Variants in ARB2A observed in about 807,000 individuals in gnomAD.
The protein encoded by ARB2A is cotranscriptional regulator ARB2A.
the ARB2A span, chr5:93,881,700 T>C: frequency 1.8e-5 from 26 of 1,463,790 alleles, no homozygotes; most frequent in East Asian, 2.4e-5. Context: ...TGTTTTGAAA[T>C]GAAAGAAGGT....
At chr5:94,063,818 A>C in the ARB2A span, among the ~76,000 whole-genome samples, 2 of 152,188 alleles carry the variant, frequency 1.3e-5, no homozygotes, top group African/African-American at 4.8e-5. Flanking sequence ...AAAGTACTCT[A>C]CTCAACCAAC....
At chr5:93,814,286 T>G in the ARB2A span, among the ~76,000 whole-genome samples, 2 of 152,134 alleles carry the variant, frequency 1.3e-5, no homozygotes, top group Non-Finnish European at 2.9e-5. Flanking sequence ...CAGCATGGCA[T>G]AAACCCATGA....
chr5:93,719,897 T>C, the ARB2A span, among the ~76,000 whole-genome samples: 3 of 152,342 alleles, frequency 2.0e-5, no homozygotes, highest in African/African-American at 7.2e-5. Context: ...GCTTCTTTTC[T>C]CATTTTCCTT....
At chr5:94,074,885 G>GATGCCT in the ARB2A span, 2 of 619,850 alleles carry the variant, frequency 3.2e-6, no homozygotes, top group South Asian at 4.2e-5. Flanking sequence ...CCACTTTGTT[G>GATGCCT]ATGCCTATGC....
chr5:94,037,264 C>T, the ARB2A span, among the ~76,000 whole-genome samples: 1 of 152,074 alleles, frequency 6.6e-6, no homozygotes, highest in Non-Finnish European at 1.5e-5. Context: ...TAATACTATC[C>T]TATACGTAGT....
At chr5:94,104,270 G>T in the ARB2A span, among the ~76,000 whole-genome samples, 1 of 149,372 alleles carries the variant, frequency 6.7e-6, no homozygotes, top group Non-Finnish European at 1.5e-5. Context: ...GACAAATAAA[G>T]AAAAAAGGAA....
chr5:94,039,686 G>A, the ARB2A span, among the ~76,000 whole-genome samples: 1 of 151,866 alleles, frequency 6.6e-6, no homozygotes, highest in Non-Finnish European at 1.5e-5. Context: ...ATTCTTTCTT[G>A]TGCAAGATAC....
the ARB2A span, among the ~76,000 whole-genome samples, chr5:93,705,609 ATGTG>A: frequency 0.045 from 5,783 of 128,726 alleles, 259 homozygotes; most frequent in East Asian, 0.26. Context: ...TTGGGAAAAA[ATGTG>A]TGTGTGTGTG....
chr5:93,822,624 A>T, the ARB2A span, among the ~76,000 whole-genome samples: 6 of 151,982 alleles, frequency 3.9e-5, no homozygotes, highest in Non-Finnish European at 7.4e-5. Flanking sequence ...ATCTATGGAG[A>T]TATAGAGATA....
At chr5:93,789,892 T>C in the ARB2A span, among the ~76,000 whole-genome samples, 2 of 152,184 alleles carry the variant, frequency 1.3e-5, no homozygotes, top group Admixed American at 1.3e-4. Context: ...TATAATGAAA[T>C]ACACACACTT....
At chr5:93,998,331 A>G in the ARB2A span, among the ~76,000 whole-genome samples, 1 of 152,028 alleles carries the variant, frequency 6.6e-6, no homozygotes, top group Non-Finnish European at 1.5e-5. Flanking sequence ...TATTCGTAAT[A>G]GAATTTATCC....
At chr5:93,652,598 T>C in the ARB2A span, among the ~76,000 whole-genome samples, 6 of 152,350 alleles carry the variant, frequency 3.9e-5, no homozygotes, top group Admixed American at 3.9e-4. Context: ...TCTAGATTTG[T>C]TGGTAGTCAG....
At chr5:93,955,353 T>C in the ARB2A span, among the ~76,000 whole-genome samples, 1 of 152,212 alleles carries the variant, frequency 6.6e-6, no homozygotes, top group Non-Finnish European at 1.5e-5. Flanking sequence ...GAGAAGTTCA[T>C]ATTAATAAGC....
the ARB2A span, among the ~76,000 whole-genome samples, chr5:93,867,356 AG>A: frequency 3.9e-5 from 6 of 152,260 alleles, no homozygotes; most frequent in Admixed American, 1.3e-4. Context: ...TATGGGAGAG[AG>A]GGGATTTTCT....
the ARB2A span, among the ~76,000 whole-genome samples, chr5:94,078,614 T>G: frequency 6.6e-6 from 1 of 152,164 alleles, no homozygotes; most frequent in African/African-American, 2.4e-5. Context: ...TGGTGGCTTT[T>G]ATAACAAATG....
At chr5:93,928,442 A>C in the ARB2A span, among the ~76,000 whole-genome samples, 8 of 152,210 alleles carry the variant, frequency 5.3e-5, no homozygotes, top group Non-Finnish European at 1.0e-4. Context: ...AAATTTTCCA[A>C]ATAACAAGAT....
At chr5:93,708,847 C>T in the ARB2A span, among the ~76,000 whole-genome samples, 1 of 151,938 alleles carries the variant, frequency 6.6e-6, no homozygotes, top group African/African-American at 2.4e-5. Flanking sequence ...TTGTGTGTAA[C>T]CCTCTCATCT....
chr5:93,951,518 G>A, the ARB2A span, among the ~76,000 whole-genome samples: 2 of 152,216 alleles, frequency 1.3e-5, no homozygotes, highest in Non-Finnish European at 2.9e-5. Flanking sequence ...AGAGATAGGG[G>A]TCTAGTTTCA....
the ARB2A span, among the ~76,000 whole-genome samples, chr5:94,014,066 T>C: frequency 7.2e-5 from 11 of 152,172 alleles, no homozygotes; most frequent in Non-Finnish European, 1.3e-4. Flanking sequence ...GCATCATGAG[T>C]GCCAAAAGAC....
Sources: allele counts gnomAD v4.1 joint callset (sites outside exome capture counted in the v4.1 genomes callset), GRCh38; gene constraint gnomAD v4.1.1; transcripts MANE v1.5; gene names NCBI Gene and HGNC (gene_info 2026-07-23, HGNC 2026-07-21).